The following TMEM164 variants were observed in gnomAD, a reference collection of about 807,000 sequenced individuals.
TMEM164 encodes the protein RP13-360B22.2.
Under a neutral mutation model 18.8 loss-of-function variants are expected in TMEM164, and 4 were observed. The observed-to-expected ratio is 0.21, with a 90% confidence interval of 0.10 to 0.49. The LOEUF is 0.49. Ranked by LOEUF, TMEM164 falls within the 20% of genes least tolerant of loss-of-function variation. TMEM164 has a pLI of 0.98. For missense variants in TMEM164, 108 were observed against 239.9 expected, an observed-to-expected ratio of 0.45 and a Z score of 3.63; for synonymous variants, 86 against 101.7, an observed-to-expected ratio of 0.85 and a Z score of 0.93.
chrX:110,013,528 A>G lies in TMEM164; in HGVS notation c.390+9364A>G, dbSNP rs1251303031. Among the ~76,000 whole-genome samples, 6 of 112,381 alleles carry G rather than the reference A, an allele frequency of 5.3e-5. 1 individual carries two copies. The highest frequency in any genetic ancestry group is 1.9e-4 in the African/African-American group (6 of 30,888). The stretch of plus-strand genomic sequence containing the variant: ...TGGTGTGTACACATCAGGGCCAGAT[A>G]AGTTTCCTCATTGGCATTTACTTGC... On this transcript the variant is annotated intron_variant, in intron 2 of 6. Transcript: ENST00000372068.
intron 4 of TMEM164, among the ~76,000 whole-genome samples, chrX:110,131,404 G>T (rs1187819249): frequency 1.8e-5 from 2 of 111,627 alleles, no homozygotes; most frequent in African/African-American, 6.5e-5. Flanking sequence ...GGGTAACACA[G>T]ACTACCTGTG....
At chrX:110,040,499 C>T (rs1935040518) in intron 2 of TMEM164, among the ~76,000 whole-genome samples, 1 of 111,889 alleles carries the variant, frequency 8.9e-6, no homozygotes, top group Non-Finnish European at 1.9e-5. Context: ...CATCAGCATA[C>T]CGGTTCCCAG....
At chrX:110,014,769 C>CTTTTTTTTTTTTTTT (rs1933236595) in intron 2 of TMEM164, among the ~76,000 whole-genome samples, 1 of 32,607 alleles carries the variant, frequency 3.1e-5, no homozygotes. Context: ...TTTTTTTTTA[C>CTTTTTTTTTTTTTTT]TTTTTCATTT....
intron 2 of TMEM164, among the ~76,000 whole-genome samples, chrX:110,032,082 G>C (rs1046461873): frequency 9.0e-5 from 10 of 111,407 alleles, no homozygotes; most frequent in Non-Finnish European, 1.1e-4. Flanking sequence ...GAATATGGCT[G>C]CATGAAGTAA....
chrX:110,092,556 T>C (rs1047869285), intron 3 of TMEM164, among the ~76,000 whole-genome samples: 3 of 112,211 alleles, frequency 2.7e-5, no homozygotes, highest in African/African-American at 9.7e-5. Flanking sequence ...TGCACATTGA[T>C]TTTGTATCCT....
At chrX:110,139,518 A>G (rs2066738695) in intron 4 of TMEM164, among the ~76,000 whole-genome samples, 2 of 111,928 alleles carry the variant, frequency 1.8e-5, no homozygotes, top group African/African-American at 3.2e-5. Context: ...TCTTGGGAAT[A>G]TAGTGAGATT....
intron 2 of TMEM164, among the ~76,000 whole-genome samples, chrX:110,013,332 A>G (rs1569293311): frequency 8.9e-6 from 1 of 112,210 alleles, no homozygotes; most frequent in Non-Finnish European, 1.9e-5. Flanking sequence ...GCCCTTAACT[A>G]TGGCTCTGGG....
intron 2 of TMEM164, among the ~76,000 whole-genome samples, chrX:110,026,658 A>G (rs1934207841): frequency 8.9e-6 from 1 of 111,931 alleles, no homozygotes; most frequent in South Asian, 3.7e-4. Context: ...AATCCTCACA[A>G]GAATTCTAAA....
intron 3 of TMEM164, among the ~76,000 whole-genome samples, chrX:110,093,696 C>T (rs2065969139): frequency 1.8e-5 from 2 of 111,091 alleles, no homozygotes; most frequent in Non-Finnish European, 3.8e-5. Flanking sequence ...CTTCAGTTCT[C>T]CTCTGATCTT....
chrX:110,043,363 T>C (rs1382575856), intron 2 of TMEM164, among the ~76,000 whole-genome samples: 1 of 112,673 alleles, frequency 8.9e-6, no homozygotes, highest in African/African-American at 3.2e-5. Flanking sequence ...TTAATAGATA[T>C]TATTAGTAAA....
intron 3 of TMEM164, among the ~76,000 whole-genome samples, chrX:110,085,187 G>T (rs1349655767): frequency 7.6e-5 from 8 of 105,773 alleles, no homozygotes; most frequent in African/African-American, 2.8e-4. Flanking sequence ...AAGCAACAGG[G>T]TCTTGCTCTG....
intron 5 of TMEM164, among the ~76,000 whole-genome samples, chrX:110,158,534 C>T (rs2067049034): frequency 8.9e-6 from 1 of 112,470 alleles, no homozygotes; most frequent in African/African-American, 3.2e-5. Flanking sequence ...GGAGCAATAG[C>T]AGAATGGGAG....
intron 4 of TMEM164, among the ~76,000 whole-genome samples, chrX:110,115,990 G>A (rs898761156): frequency 9.0e-6 from 1 of 111,394 alleles, no homozygotes; most frequent in Non-Finnish European, 1.9e-5. Context: ...TGAGACTCAA[G>A]GCTGAGGTGG....
At chrX:110,140,222 A>G (rs1368531598) in intron 4 of TMEM164, among the ~76,000 whole-genome samples, 1 of 111,523 alleles carries the variant, frequency 9.0e-6, no homozygotes, top group Non-Finnish European at 1.9e-5. Context: ...TAGTCTCAGG[A>G]CATGAGATTC....
chrX:110,158,279 A>C (rs1296277536), intron 5 of TMEM164, among the ~76,000 whole-genome samples: 1 of 111,716 alleles, frequency 9.0e-6, no homozygotes, highest in Non-Finnish European at 1.9e-5. Context: ...GCCCTCCTGA[A>C]AGAAGAATCC....
intron 3 of TMEM164, among the ~76,000 whole-genome samples, chrX:110,104,629 C>A (rs1189267445): frequency 8.9e-6 from 1 of 111,905 alleles, no homozygotes; most frequent in Non-Finnish European, 1.9e-5. Flanking sequence ...ACAGATGATG[C>A]AAACTTATGG....
At chrX:110,028,521 C>T (rs972823879) in intron 2 of TMEM164, among the ~76,000 whole-genome samples, 1 of 112,451 alleles carries the variant, frequency 8.9e-6, no homozygotes, top group African/African-American at 3.2e-5. Flanking sequence ...TGTTTAGCTA[C>T]ATTCCACTAA....
chrX:110,003,976 G>A lies in TMEM164; in HGVS notation c.202G>A (p.Gly68Ser). 1 of 1,211,691 alleles carries A rather than the reference G, an allele frequency of 8.3e-7. No individual in the cohort carries two copies. The highest frequency in any genetic ancestry group is 1.1e-6 in the Non-Finnish European group (1 of 895,459). Residue 68 changes from glycine to serine, a missense_variant, in exon 2 of 7, where the codon GGT becomes AGT. Transcript: ENST00000372068. ...RHILRQTKED[G>S]RGSPGSQPEQ... ...CATCCTGAGGCAGACGAAGGAGGAC[G>A]GTAGGGGTAGCCCTGGCAGCCAGCC...
At chrX:110,011,755 T>C (rs1270061709) in intron 2 of TMEM164, among the ~76,000 whole-genome samples, 1 of 112,088 alleles carries the variant, frequency 8.9e-6, no homozygotes, top group Non-Finnish European at 1.9e-5. Flanking sequence ...GGAATCTGCA[T>C]TTATAAGAAA....
Sources: gnomAD v4.1 joint callset for allele counts (sites outside exome capture counted in the v4.1 genomes callset) on GRCh38, gnomAD v4.1.1 for gene constraint, MANE v1.5 for transcripts, NCBI Gene and HGNC (gene_info 2026-07-23, HGNC 2026-07-21) for gene names.